The following SSBP2 variants were observed in gnomAD, a reference collection of about 807,000 sequenced individuals.
SSBP2 encodes the protein single stranded DNA binding protein 2, also known as single-stranded DNA-binding protein 2.
Under a neutral mutation model 61.8 loss-of-function variants are expected in SSBP2, and 17 were observed. That is an observed-to-expected ratio of 0.28 (90% confidence interval 0.19 to 0.41). The LOEUF (loss-of-function observed/expected upper bound fraction) is 0.41. SSBP2 is among the 10% of genes least tolerant of loss of function. The pLI is 1.00. For synonymous variants in SSBP2, 139 were observed against 141.3 expected (o/e 0.98, Z 0.12); for missense variants, 310 against 458.7 (o/e 0.68, Z 2.96).
intron 4 of SSBP2, among the ~76,000 whole-genome samples, chr5:81,518,598 C>T (rs957624919): frequency 1.3e-5 from 2 of 152,036 alleles, no homozygotes; most frequent in African/African-American, 2.4e-5. Flanking sequence ...TACCCAGTCT[C>T]GGATATTCTG....
rs991646422 is a variant in SSBP2 at position 81,594,701 on chromosome 5, C to T, written c.282+20772G>A. On this transcript the variant is annotated intron_variant, in intron 4 of 16. Coordinates refer to ENST00000320672, the MANE Select transcript of SSBP2 (RefSeq NM_012446.5). ...GGATTAAGAAACTCACTCAAAACCG[C>T]TCAACTACATGGAAAATGAACAACC... Among the ~76,000 whole-genome samples the T allele has an allele frequency of 6.6e-5, 10 of 152,224 alleles. No individual in the cohort carries two copies. In the East Asian group the frequency reaches 1.7e-3, roughly 26 times the overall value.
rs1419285178 is a variant in SSBP2 at position 81,742,743 on chromosome 5, G to A, written c.62+8238C>T. 3.3e-5 allele frequency among the ~76,000 whole-genome samples: 5 copies of A among 152,104 alleles called. No individual in the cohort carries two copies. In the South Asian group the frequency reaches 6.2e-4, roughly 19 times the overall value. ...ATACAAAAATTAGCCAAGTGTGGTG[G>A]TGCATGCCTGTAATCCCAGCTACTA... On this transcript the variant is annotated intron_variant, in intron 1 of 16. Transcript: ENST00000320672.
At chr5:81,456,962 T>G (rs1238982533) in intron 10 of SSBP2, among the ~76,000 whole-genome samples, 6 of 152,194 alleles carry the variant, frequency 3.9e-5, no homozygotes. Context: ...GAAGCATCAG[T>G]GTGCACTCAT....
At chr5:81,437,560 C>G (rs1580680745) in intron 14 of SSBP2, 102 bp from the exon 15 acceptor site, 1 of 1,039,738 alleles carries the variant, frequency 9.6e-7, no homozygotes, top group South Asian at 1.5e-5. Context: ...TATGTATTTT[C>G]CAGCATATAG....
chr5:81,526,401 T>C (rs1273441720), intron 4 of SSBP2, among the ~76,000 whole-genome samples: 1 of 152,056 alleles, frequency 6.6e-6, no homozygotes, highest in Non-Finnish European at 1.5e-5. Flanking sequence ...CTTCACATAC[T>C]GCAGCACATT....
chr5:81,492,660 G>GA lies in SSBP2; in HGVS notation c.373-3352dup, dbSNP rs141801883. Among the ~76,000 whole-genome samples the GA allele has an allele frequency of 2.2e-3, 331 of 151,812 alleles. 9 individuals are homozygous for GA. In the East Asian group the frequency reaches 0.042, roughly 19 times the overall value. Reference sequence around the variant, plus strand: ...TGATGGTGAATCAGTGTTTTAACTGGAAAAAAGCCTTCCCCAGAAAGGATT... The same window carrying GA: ...TGATGGTGAATCAGTGTTTTAACTGGAAAAAAAGCCTTCCCCAGAAAGGATT... On this transcript the variant is annotated intron_variant, in intron 5 of 16. Coordinates refer to ENST00000320672, the MANE Select transcript of SSBP2 (RefSeq NM_012446.5).
chr5:81,718,612 C>T (rs1264131207), intron 1 of SSBP2, among the ~76,000 whole-genome samples: 1 of 152,158 alleles, frequency 6.6e-6, no homozygotes, highest in Non-Finnish European at 1.5e-5. Context: ...TCACCAGCTT[C>T]ACTGGGAAAG....
chr5:81,500,486 G>C (rs946138290), intron 5 of SSBP2, among the ~76,000 whole-genome samples: 2 of 150,642 alleles, frequency 1.3e-5, no homozygotes, highest in Non-Finnish European at 2.9e-5. Flanking sequence ...TGCTGGAACG[G>C]AGTCTCACTC....
At chr5:81,513,606 T>G (rs1193696620) in intron 5 of SSBP2, 22 bp downstream of exon 5, 4 of 1,436,224 alleles carry the variant, frequency 2.8e-6, no homozygotes, top group Non-Finnish European at 3.9e-6. Context: ...TTAACATTCC[T>G]AGTCAGAGTT....
At chr5:81,740,997 A>C (rs1756983583) in intron 1 of SSBP2, among the ~76,000 whole-genome samples, 1 of 152,126 alleles carries the variant, frequency 6.6e-6, no homozygotes, top group Non-Finnish European at 1.5e-5. Flanking sequence ...ACCTCCCACA[A>C]CTTCCATTAC....
intron 1 of SSBP2, among the ~76,000 whole-genome samples, chr5:81,676,690 C>T (rs1752012658): frequency 1.3e-5 from 2 of 152,120 alleles, no homozygotes; most frequent in South Asian, 4.1e-4. Flanking sequence ...CCTCTCTTAC[C>T]CCCTCCTTCC....
In SSBP2 at chr5:81,436,961, T is replaced by A. The variant is rs567747977; in HGVS notation, c.957+469A>T. On this transcript the variant is annotated intron_variant, in intron 15 of 16. Coordinates refer to ENST00000320672, the MANE Select transcript of SSBP2 (RefSeq NM_012446.5). ...TACTCTATTTTGGGGACTAGAATAATTATTGTGGAAATCAGCATTTCCTAA... is the reference window on the plus strand; with the variant it reads ...TACTCTATTTTGGGGACTAGAATAAATATTGTGGAAATCAGCATTTCCTAA... Among the ~76,000 whole-genome samples the A allele has an allele frequency of 1.7e-4, 26 of 152,286 alleles. 1 individual carries two copies. Among genetic ancestry groups the A allele is most frequent in the African/African-American group, 5.5e-4 (23 of 41,582 alleles).
At chr5:81,715,768 T>C (rs538105181) in intron 1 of SSBP2, among the ~76,000 whole-genome samples, 1 of 152,172 alleles carries the variant, frequency 6.6e-6, no homozygotes, top group South Asian at 2.1e-4. Flanking sequence ...ATTAACAAGA[T>C]AGATGGCCAG....
intron 8 of SSBP2, among the ~76,000 whole-genome samples, chr5:81,469,026 C>T (rs1464264186): frequency 6.6e-6 from 1 of 151,946 alleles, no homozygotes; most frequent in African/African-American, 2.4e-5. Context: ...GTCTCCCCTC[C>T]TTTTTGGTCT....
chr5:81,526,065 G>A (rs1166872994), intron 4 of SSBP2, among the ~76,000 whole-genome samples: 1 of 151,946 alleles, frequency 6.6e-6, no homozygotes, highest in South Asian at 2.1e-4. Flanking sequence ...TCCCATATAC[G>A]TCAGTAAAAA....
At chr5:81,439,101 A>G (rs1762849315) in intron 14 of SSBP2, among the ~76,000 whole-genome samples, 1 of 152,208 alleles carries the variant, frequency 6.6e-6, no homozygotes, top group Admixed American at 6.5e-5. Flanking sequence ...TAATTTGGTT[A>G]TTGAAAGATT....
Position 81,659,119 on chromosome 5 carries a change from C to G in SSBP2, c.63-8780G>C, listed in dbSNP as rs1258491568. Reference sequence around the variant, plus strand: ...GAAAACTGGCACAAGACAAGGATGCCCTCTCTCACCACTCCTATCCAACAT... The same window carrying G: ...GAAAACTGGCACAAGACAAGGATGCGCTCTCTCACCACTCCTATCCAACAT... On this transcript the variant is annotated intron_variant, in intron 1 of 16. Transcript: ENST00000320672. 1.3e-5 allele frequency among the ~76,000 whole-genome samples: 2 copies of G among 152,032 alleles called. 1 individual carries two copies. The highest frequency in any genetic ancestry group is 2.9e-5 in the Non-Finnish European group (2 of 68,010).
At chr5:81,545,679 CA>C (rs1025811831) in intron 4 of SSBP2, among the ~76,000 whole-genome samples, 1 of 152,150 alleles carries the variant, frequency 6.6e-6, no homozygotes, top group African/African-American at 2.4e-5. Flanking sequence ...TTTGTGCTTT[CA>C]GGGGCGTAGC....
chr5:81,447,890 T>C (rs1174950765), intron 11 of SSBP2: 1 of 152,224 alleles, frequency 6.6e-6, no homozygotes, highest in Non-Finnish European at 1.5e-5. Flanking sequence ...AAGAAAGACT[T>C]GCTTAGTTTT....
Sources: gnomAD v4.1 joint callset for allele counts (sites outside exome capture counted in the v4.1 genomes callset) on GRCh38, gnomAD v4.1.1 for gene constraint, MANE v1.5 for transcripts, NCBI Gene and HGNC (gene_info 2026-07-23, HGNC 2026-07-21) for gene names.